Variants in GARNL3 observed in about 807,000 individuals in gnomAD.
The protein encoded by GARNL3 is GTPase-activating Rap/Ran-GAP domain-like protein 3.
GARNL3 carries 63 observed loss-of-function variants against 125.0 expected under a neutral mutation model. The observed-to-expected ratio is 0.50, with a 90% confidence interval of 0.41 to 0.62. The LOEUF is 0.62. Ranked by LOEUF, GARNL3 falls within the 20% of genes least tolerant of loss-of-function variation. The pLI is 0.00. For missense variants in GARNL3, 994 were observed against 1,244.0 expected (o/e 0.80, Z 3.02); for synonymous variants, 439 against 457.5 (o/e 0.96, Z 0.52).
In GARNL3 at chr9:127,318,095, C is replaced by T. The variant is rs761882435; in HGVS notation, c.471C>T (p.Pro157=). Residue 157 remains proline, a synonymous_variant, in exon 5 of 28, where the codon CCC becomes CCT. Coordinates refer to ENST00000373387, the MANE Select transcript of GARNL3 (RefSeq NM_032293.5). ...GTQKICLPYS[P]TKTLSVKSIL... ...AGAAAATATGCCTTCCCTACAGTCC[C>T]ACAAAAACTCTTTCTGTGAAGTCCA... 6.2e-7 allele frequency: 1 copy of T among 1,609,794 alleles called. No homozygotes were observed. Among genetic ancestry groups the T allele is most frequent in the South Asian group, 1.1e-5 (1 of 90,964 alleles).
chr9:127,244,134 T>G (rs192615908), intron 2 of GARNL3, among the ~76,000 whole-genome samples: 1 of 152,320 alleles, frequency 6.6e-6, no homozygotes, highest in East Asian at 1.9e-4. Flanking sequence ...TCAGTGGATC[T>G]GAGGTGGGTG....
intron 14 of GARNL3, among the ~76,000 whole-genome samples, chr9:127,342,716 T>A (rs1829927630): frequency 6.6e-6 from 1 of 151,894 alleles, no homozygotes. Context: ...AAAGGTGGGA[T>A]TTTTAGAAAG....
intron 16 of GARNL3, among the ~76,000 whole-genome samples, chr9:127,348,543 G>A (rs1289992273): frequency 2.0e-5 from 3 of 152,134 alleles, no homozygotes; most frequent in Non-Finnish European, 4.4e-5. Context: ...AATTATGTGG[G>A]ACTTCCTTTA....
chr9:127,244,843 A>C (rs559338234), intron 2 of GARNL3, among the ~76,000 whole-genome samples: 2 of 152,342 alleles, frequency 1.3e-5, no homozygotes, highest in East Asian at 3.9e-4. Flanking sequence ...GAGCTTCCGC[A>C]CCTTCCAGAA....
intron 22 of GARNL3, among the ~76,000 whole-genome samples, chr9:127,380,200 A>ATGTG (rs55906930): frequency 0.2 from 28,529 of 141,434 alleles, 3,068 homozygotes; most frequent in Middle Eastern, 0.25. Context: ...CTCAAAAAAT[A>ATGTG]TGTGTGTGTG....
chr9:127,254,507 G>A (rs1344942465), intron 2 of GARNL3, among the ~76,000 whole-genome samples: 1 of 152,124 alleles, frequency 6.6e-6, no homozygotes, highest in Non-Finnish European at 1.5e-5. Context: ...CAATTCTCAC[G>A]CCTGTAATCC....
chr9:127,368,519 C>CG (rs1378633462), intron 22 of GARNL3, among the ~76,000 whole-genome samples: 2 of 150,808 alleles, frequency 1.3e-5, no homozygotes, highest in African/African-American at 4.9e-5. Flanking sequence ...TAGTTAGAGA[C>CG]GGGGTTTCAC....
chr9:127,392,868 A>AG lies in GARNL3; in HGVS notation c.2871-215_2871-214insG, dbSNP rs200089359. Among the ~76,000 whole-genome samples, 843 of 152,252 alleles carry AG rather than the reference A, an allele frequency of 5.5e-3. 19 individuals carry two copies. The East Asian group carries it at 0.061, about 11-fold the overall frequency. On this transcript the variant is annotated intron_variant, in intron 27 of 27. Coordinates refer to ENST00000373387, the MANE Select transcript of GARNL3 (RefSeq NM_032293.5). The surrounding 1 kb of genome is among the most constrained non-coding windows in gnomAD (Gnocchi z 5.2). Reference sequence around the variant, plus strand: ...AAGGTAGGTAAATAATGCCTCACAAACACCTTCCATGTGTCACACACTCGG... The same window carrying AG: ...AAGGTAGGTAAATAATGCCTCACAAAGCACCTTCCATGTGTCACACACTCGG...
intron 2 of GARNL3, among the ~76,000 whole-genome samples, chr9:127,246,554 C>A (rs990539865): frequency 6.6e-6 from 1 of 152,078 alleles, no homozygotes; most frequent in Non-Finnish European, 1.5e-5. Flanking sequence ...GCCCTTAATC[C>A]CAGGACTTTG....
At chr9:127,317,754 C>T (rs1485669589) in intron 4 of GARNL3, among the ~76,000 whole-genome samples, 7 of 150,530 alleles carry the variant, frequency 4.7e-5, no homozygotes, top group South Asian at 4.3e-4. Flanking sequence ...ACAACAACAA[C>T]GAAAAAACAA....
At chr9:127,272,500 T>A (rs116014688) in intron 1 of GARNL3, among the ~76,000 whole-genome samples, 68,558 of 143,548 alleles carry the variant, frequency 0.48, 17,770 homozygotes, top group Admixed American at 0.62. Context: ...TTTTTTTTTT[T>A]TGAGGAGGAG....
intron 16 of GARNL3, among the ~76,000 whole-genome samples, chr9:127,347,766 G>T (rs1157396052): frequency 6.6e-6 from 1 of 152,144 alleles, no homozygotes; most frequent in African/African-American, 2.4e-5. Flanking sequence ...TTCAATTAAT[G>T]ACCTGCACTT....
chr9:127,247,871 C>T (rs2063330205), intron 2 of GARNL3, among the ~76,000 whole-genome samples: 1 of 152,006 alleles, frequency 6.6e-6, no homozygotes, highest in African/African-American at 2.4e-5. Flanking sequence ...CTAGGTCTTA[C>T]TCATCCTTTC....
At chr9:127,269,244 C>T (rs1356616632) in intron 1 of GARNL3, among the ~76,000 whole-genome samples, 3 of 152,210 alleles carry the variant, frequency 2.0e-5, no homozygotes, top group Admixed American at 6.5e-5. Flanking sequence ...AAGCAGTCCT[C>T]CTGCCTTGAC....
chr9:127,350,631 C>T (rs987350420), intron 17 of GARNL3, among the ~76,000 whole-genome samples: 1 of 151,856 alleles, frequency 6.6e-6, no homozygotes, highest in Non-Finnish European at 1.5e-5. Context: ...CAAAAATTAG[C>T]CGGATGTGGT....
intron 22 of GARNL3, chr9:127,367,357 GT>G (rs1321989345): frequency 6.6e-6 from 1 of 152,086 alleles, no homozygotes; most frequent in Non-Finnish European, 1.5e-5. Flanking sequence ...TATCATTGAA[GT>G]TTTTTTCTGT....
rs1056449030 is a variant in GARNL3 at position 127,333,191 on chromosome 9, G to C, written c.769+70G>C. On this transcript the variant is annotated intron_variant, in intron 9 of 27. Coordinates refer to ENST00000373387, the MANE Select transcript of GARNL3 (RefSeq NM_032293.5). ...TTGTAAGTCAGCCTGACCCGTGTCT[G>C]AACTTATACCAGAGAAGGGGGAAGG... The C allele has an allele frequency of 3.2e-6, 4 of 1,238,330 alleles. No individual in the cohort carries two copies. In the East Asian group the frequency reaches 9.3e-5, roughly 29 times the overall value. 76.7% of individuals were successfully genotyped at this position (1,238,330 alleles called of 1,614,324 possible).
intron 2 of GARNL3, among the ~76,000 whole-genome samples, chr9:127,294,631 A>G (rs1236124170): frequency 1.3e-5 from 2 of 152,028 alleles, no homozygotes; most frequent in Non-Finnish European, 2.9e-5. Context: ...TGATTTTAAT[A>G]TTTTTCTAGT....
intron 17 of GARNL3, among the ~76,000 whole-genome samples, chr9:127,350,216 T>C (rs553475779): frequency 3.3e-5 from 5 of 152,304 alleles, no homozygotes; most frequent in African/African-American, 9.6e-5. Context: ...AATTACAAAA[T>C]GATTGGAAAC....
Sources: allele counts gnomAD v4.1 joint callset (sites outside exome capture counted in the v4.1 genomes callset), GRCh38; gene constraint gnomAD v4.1.1; non-coding constraint Gnocchi (gnomAD v3.1); transcripts MANE v1.5; gene names NCBI Gene and HGNC (gene_info 2026-07-23, HGNC 2026-07-21).